BEND6: variants seen among roughly 807,000 people sequenced by gnomAD.
BEND6 encodes BEN domain containing 6.
Under a neutral mutation model 31.8 loss-of-function variants are expected in BEND6, and 24 were observed. The observed-to-expected ratio is 0.75, with a 90% CI of 0.55 to 1.06. BEND6 has a LOEUF of 1.06. Ranked by LOEUF, BEND6 falls within the 50% of genes least tolerant of loss-of-function variation. The pLI, the probability that BEND6 is intolerant of heterozygous loss-of-function variation, is 0.00. For missense variants in BEND6, 294 were observed against 327.4 expected (o/e 0.90, Z 0.79); for synonymous variants, 109 against 114.6 (o/e 0.95, Z 0.31).
chr6:56,986,478 T>C (rs1676452147), intron 2 of BEND6, among the ~76,000 whole-genome samples: 1 of 151,950 alleles, frequency 6.6e-6, no homozygotes, highest in Non-Finnish European at 1.5e-5. Flanking sequence ...CAAAATAAAA[T>C]AAAGGTTGAA....
chr6:57,011,730 A>AAG (rs1827352654), intron 3 of BEND6, among the ~76,000 whole-genome samples: 1 of 147,746 alleles, frequency 6.8e-6, no homozygotes, highest in Non-Finnish European at 1.5e-5. Context: ...AAAAAAAAAA[A>AAG]AAAAAGAAAA....
At chr6:56,970,403 G>T (rs1825652245) in intron 1 of BEND6, among the ~76,000 whole-genome samples, 3 of 152,038 alleles carry the variant, frequency 2.0e-5, no homozygotes, top group Non-Finnish European at 4.4e-5. Flanking sequence ...ACAAACTCCT[G>T]AACTCAGGTG....
Position 56,992,308 on chromosome 6 carries a change from A to G in BEND6, c.121-70A>G, listed in dbSNP as rs1592998750. The G allele has an allele frequency of 3.4e-6, 5 of 1,467,554 alleles. No homozygotes were observed. In the Admixed American group the frequency reaches 9.5e-5, roughly 28 times the overall value. 90.9% of individuals were successfully genotyped at this position (1,467,554 alleles called of 1,614,324 possible). A position where few individuals can be genotyped will look rare whatever the true frequency, so the allele number is the denominator to read the frequency against. ...AAATTTGTAGTCCCAACAACATGCA[A>G]TGGTTAACCAGAGATAAACCATTAA... On this transcript the variant is annotated intron_variant, in intron 2 of 6. Coordinates refer to ENST00000370746, the MANE Select transcript of BEND6 (RefSeq NM_152731.3).
Position 57,000,375 on chromosome 6 carries a change from T to C in BEND6, c.298+7820T>C, listed in dbSNP as rs1464559126. Among the ~76,000 whole-genome samples the C allele has an allele frequency of 4.6e-5, 7 of 152,064 alleles. No homozygotes were observed. The East Asian group carries it at 1.3e-3, about 29-fold the overall frequency. On this transcript the variant is annotated intron_variant, in intron 3 of 6. Transcript: ENST00000370746. ...TGCAAGATGTGCTTTGTTAAACAGA[T>C]GCTTGAAGGCAGCATGCTCATTAAG... is the stretch of plus-strand genomic sequence containing the variant.
intron 6 of BEND6, among the ~76,000 whole-genome samples, chr6:57,024,063 A>T (rs950516270): frequency 2.0e-5 from 3 of 151,706 alleles, no homozygotes; most frequent in Admixed American, 6.6e-5. Context: ...AAGAAGTTTT[A>T]AAAAAACTTT....
intron 1 of BEND6, among the ~76,000 whole-genome samples, chr6:56,956,895 A>G (rs1302790652): frequency 6.6e-6 from 1 of 152,284 alleles, no homozygotes; most frequent in African/African-American, 2.4e-5. Flanking sequence ...CATTGACTCA[A>G]CAATGGCATG....
chr6:57,016,174 C>G (rs1006217327), intron 4 of BEND6, among the ~76,000 whole-genome samples: 1 of 152,116 alleles, frequency 6.6e-6, no homozygotes, highest in Non-Finnish European at 1.5e-5. Context: ...TGTACTTAAT[C>G]AAGACACAGA....
intron 2 of BEND6, among the ~76,000 whole-genome samples, chr6:56,986,973 C>CT (rs869195941): frequency 0.016 from 1,920 of 123,740 alleles, 33 homozygotes; most frequent in African/African-American, 0.036. Flanking sequence ...TGTTTCTTTT[C>CT]TTTTTTTTTT....
chr6:56,967,960 T>C (rs971755090), intron 1 of BEND6, among the ~76,000 whole-genome samples: 6 of 152,208 alleles, frequency 3.9e-5, no homozygotes, highest in African/African-American at 1.2e-4. Context: ...AATGAGTTAG[T>C]AGAGGTTAAA....
intron 1 of BEND6, among the ~76,000 whole-genome samples, chr6:56,964,914 GATTC>G (rs1329541568): frequency 5.3e-5 from 8 of 152,338 alleles, no homozygotes; most frequent in South Asian, 2.1e-4. Flanking sequence ...GGCTTAAAGA[GATTC>G]ATCCCATTTC....
At chr6:56,990,372 G>A (rs929244611) in intron 2 of BEND6, among the ~76,000 whole-genome samples, 5 of 146,140 alleles carry the variant, frequency 3.4e-5, no homozygotes, top group South Asian at 4.5e-4. Context: ...TCAGCCCCCC[G>A]AGTAACCAGG....
chr6:57,012,251 G>T (rs1593022214), intron 3 of BEND6, among the ~76,000 whole-genome samples: 1 of 152,172 alleles, frequency 6.6e-6, no homozygotes, highest in South Asian at 2.1e-4. Context: ...AAAAAGGAAT[G>T]AATTATGGTA....
chr6:57,023,762 C>A (rs529452335), intron 6 of BEND6, among the ~76,000 whole-genome samples: 11 of 152,326 alleles, frequency 7.2e-5, no homozygotes, highest in Non-Finnish European at 1.6e-4. Context: ...CATGCCACCA[C>A]ACCTAGCTAG....
rs181389034 is a variant in BEND6, at chr6:56,976,034, T to G, written c.-100-5677T>G. 103 of 470,572 alleles carry G rather than the reference T, an allele frequency of 2.2e-4. 1 individual carries two copies. Among genetic ancestry groups the G allele is most frequent in the African/African-American group, 1.9e-3 (97 of 50,420 alleles). The allele number at this position is 470,572 out of a possible 1,614,324, so 29.1% of individuals were successfully genotyped here. A position where few individuals can be genotyped will look rare whatever the true frequency, so the allele number is the denominator to read the frequency against. On this transcript the variant is annotated intron_variant, in intron 1 of 6. Transcript: ENST00000370746. ...GGGACATTCAGGGACATTCAAGCAC[T>G]AAGAACAGGACACGATACAAAGTCT... is the stretch of plus-strand genomic sequence containing the variant.
rs1824629129 is a variant in BEND6, at chr6:56,955,268, T to C, written c.-293T>C. 1 of 152,060 alleles carries C rather than the reference T, an allele frequency of 6.6e-6. No individual in the cohort carries two copies. The highest frequency in any genetic ancestry group is 1.5e-5 in the Non-Finnish European group (1 of 68,028). The allele number at this position is 152,060 out of a possible 1,614,324, so 9.4% of individuals were successfully genotyped here. On this transcript the variant is annotated 5_prime_UTR_variant, in exon 1 of 7. Transcript: ENST00000370746. Reference sequence around the variant, plus strand: ...GGTGCATTGGCCGGGTGCCTCTAGCTTCCCGGACACCCGGAGCTTCCGCCT... The same window carrying C: ...GGTGCATTGGCCGGGTGCCTCTAGCCTCCCGGACACCCGGAGCTTCCGCCT...
intron 3 of BEND6, among the ~76,000 whole-genome samples, chr6:57,001,923 C>T (rs1368741176): frequency 6.6e-6 from 1 of 152,046 alleles, no homozygotes; most frequent in African/African-American, 2.4e-5. Context: ...GTCTAAATGC[C>T]CCACTTAAAA....
intron 2 of BEND6, among the ~76,000 whole-genome samples, chr6:56,990,193 T>G (rs1425483064): frequency 6.6e-6 from 1 of 151,950 alleles, no homozygotes; most frequent in African/African-American, 2.4e-5. Flanking sequence ...CTGCCATGCC[T>G]TCTCTACCAT....
intron 1 of BEND6, chr6:56,975,632 A>G: frequency 2.6e-6 from 1 of 380,404 alleles, no homozygotes; most frequent in Non-Finnish European, 5.2e-6. Flanking sequence ...CAGCAGTTTC[A>G]TTCTCATGAA....
chr6:56,979,849 AT>A (rs1354540528), intron 1 of BEND6, among the ~76,000 whole-genome samples: 8 of 152,220 alleles, frequency 5.3e-5, no homozygotes, highest in Non-Finnish European at 1.0e-4. Context: ...AGACTTTTGT[AT>A]TTACTAGGAG....
Sources: gnomAD v4.1 joint callset for allele counts (sites outside exome capture counted in the v4.1 genomes callset) on GRCh38, gnomAD v4.1.1 for gene constraint, MANE v1.5 for transcripts, NCBI Gene and HGNC (gene_info 2026-07-23, HGNC 2026-07-21) for gene names.